The following CCNB2 variants were observed in gnomAD, a reference collection of about 807,000 sequenced individuals.
CCNB2 encodes the protein cyclin B2, also known as G2/mitotic-specific cyclin-B2.
In CCNB2, 39 loss-of-function variants were observed where a neutral mutation model predicts 51.1. The observed-to-expected ratio is 0.76, with a 90% CI of 0.59 to 1.00. The LOEUF is 1.00. Among genes scored for constraint, CCNB2 ranks in the 50% least tolerant of loss-of-function variants. The pLI is 0.00. For synonymous variants in CCNB2, 174 were observed against 165.5 expected (o/e 1.05, Z -0.40); for missense variants, 472 against 470.3 (o/e 1.00, Z -0.03).
intron 1 of CCNB2, 32 bp downstream of exon 1, chr15:59,105,324 G>C: frequency 1.9e-6 from 3 of 1,545,454 alleles, no homozygotes; most frequent in Non-Finnish European, 1.7e-6. Flanking sequence ...TCTCAGAGGC[G>C]AGTCCGTCGG....
chr15:59,122,798 A>T (rs750598629), intron 7 of CCNB2, among the ~76,000 whole-genome samples: 9 of 152,092 alleles, frequency 5.9e-5, no homozygotes, highest in Non-Finnish European at 8.8e-5. Context: ...GGCCTCCGAA[A>T]GTGCTGGGAT....
intron 7 of CCNB2, among the ~76,000 whole-genome samples, chr15:59,120,356 G>A (rs773067671): frequency 5.9e-5 from 9 of 152,100 alleles, no homozygotes; most frequent in Non-Finnish European, 1.3e-4. Context: ...AGCTGGTCAT[G>A]GTAGCATGTG....
chr15:59,117,178 G>A (rs763267453), intron 6 of CCNB2, 50 bp from the exon 7 acceptor site: 1 of 1,591,184 alleles, frequency 6.3e-7, no homozygotes, highest in Admixed American at 1.7e-5. Flanking sequence ...AATTTTGCAA[G>A]ACAGTAATTA....
intron 3 of CCNB2, among the ~76,000 whole-genome samples, chr15:59,113,618 A>C (rs1439927674): frequency 6.6e-6 from 1 of 152,246 alleles, no homozygotes; most frequent in African/African-American, 2.4e-5. Flanking sequence ...AAACAGAATA[A>C]TACACATATT....
Position 59,105,288 on chromosome 15 carries a change from C to G in CCNB2, c.20C>G (p.Pro7Arg). ...TCCCTCATGGCGCTGCTCCGACGCCCGACGGTGAGTGTGCCCGGGGACCGC... is the reference window on the plus strand; with the variant it reads ...TCCCTCATGGCGCTGCTCCGACGCCGGACGGTGAGTGTGCCCGGGGACCGC... MALLRR[P>R]TVSSDLENID... The change falls in exon 1 of 9, where the codon CCG (proline) becomes CGG (arginine). Residue 7 changes from proline to arginine, a missense_variant. Coordinates refer to ENST00000288207, the MANE Select transcript of CCNB2 (RefSeq NM_004701.4). 1 of 1,564,610 alleles carries G rather than the reference C, an allele frequency of 6.4e-7. No individual in the cohort carries two copies. The highest frequency in any genetic ancestry group is 8.6e-7 in the Non-Finnish European group (1 of 1,158,332).
At chr15:59,122,863 T>A (rs1297121845) in intron 7 of CCNB2, among the ~76,000 whole-genome samples, 1 of 152,220 alleles carries the variant, frequency 6.6e-6, no homozygotes, top group Non-Finnish European at 1.5e-5. Context: ...ACATGATACA[T>A]CTTATTATCA....
At chr15:59,110,300 T>C (rs2140286346) in intron 3 of CCNB2, among the ~76,000 whole-genome samples, 1 of 152,264 alleles carries the variant, frequency 6.6e-6, no homozygotes, top group South Asian at 2.1e-4. Flanking sequence ...AAAAATCAAT[T>C]CCAGGGTTGA....
At chr15:59,123,649 A>T (rs943856081) in intron 8 of CCNB2, 22 bp downstream of exon 8, 4 of 1,327,838 alleles carry the variant, frequency 3.0e-6, no homozygotes, top group Admixed American at 3.6e-5. Flanking sequence ...TGTTTTCTTA[A>T]GCTGTGGAAA....
intron 8 of CCNB2, 71 bp downstream of exon 8, chr15:59,123,698 G>C (rs1312530469): frequency 3.6e-5 from 27 of 749,992 alleles, no homozygotes; most frequent in African/African-American, 3.0e-4. Context: ...TTGGGCGGGG[G>C]GGGGCGGTGT....
At position 59,114,452 on chromosome 15, in the gene CCNB2, T is replaced by C. The variant is rs757227655; in HGVS notation, c.276T>C (p.Ser92=). 6.2e-7 allele frequency: 1 copy of C among 1,600,200 alleles called. No individual in the cohort carries two copies. The highest frequency in any genetic ancestry group is 1.1e-5 in the South Asian group (1 of 88,578). Residue 92 remains serine (S), a synonymous_variant, in exon 4 of 9, where the codon TCT becomes TCC. Coordinates refer to ENST00000288207, the MANE Select transcript of CCNB2 (RefSeq NM_004701.4). ...QMEKLAPKGP[S]PTPEDVSMKE... is the part of the protein sequence containing the mutation. ...TAAATTTGTTGGTGTAGGGTCCTTC[T>C]CCCACACCTGAGGATGTCTCCATGA...
chr15:59,120,262 T>A (rs534107257), intron 7 of CCNB2, among the ~76,000 whole-genome samples: 1 of 152,182 alleles, frequency 6.6e-6, no homozygotes, highest in South Asian at 2.1e-4. Context: ...GCAGGGGAAG[T>A]ACAAGGTGAG....
In CCNB2 at chr15:59,124,934, G is replaced by A. The variant is rs1304247591; in HGVS notation, c.*57G>A. 1.9e-6 allele frequency: 2 copies of A among 1,079,774 alleles called. No individual in the cohort carries two copies. Among genetic ancestry groups the A allele is most frequent in the Non-Finnish European group, 1.3e-6 (1 of 756,384 alleles). 66.9% of individuals were successfully genotyped at this position (1,079,774 alleles called of 1,614,324 possible). On this transcript the variant is annotated 3_prime_UTR_variant, in exon 9 of 9. Coordinates refer to ENST00000288207, the MANE Select transcript of CCNB2 (RefSeq NM_004701.4). ...TTGTGCCCTTTTTCTTATTGGTTTA[G>A]AACTCTTGATTTTGTACATAGTCCT...
chr15:59,105,387 A>T (rs367760992), intron 1 of CCNB2, 95 bp downstream of exon 1: 1 of 1,368,514 alleles, frequency 7.3e-7, no homozygotes, highest in Non-Finnish European at 1.0e-6. Flanking sequence ...CTCCGTCCCA[A>T]CCGGGGCTGC....
intron 7 of CCNB2, among the ~76,000 whole-genome samples, chr15:59,117,889 G>T (rs1362286812): frequency 3.3e-5 from 5 of 152,182 alleles, no homozygotes; most frequent in Non-Finnish European, 5.9e-5. Context: ...TTGAGCCCAG[G>T]CCCAGGAGTT....
chr15:59,124,506 A>T, intron 8 of CCNB2: 1 of 458,258 alleles, frequency 2.2e-6, no homozygotes, highest in East Asian at 4.6e-5. Flanking sequence ...GGTAGCCTAC[A>T]AGAGGAAGCC....
chr15:59,122,029 G>T (rs1272580387), intron 7 of CCNB2, among the ~76,000 whole-genome samples: 1 of 147,716 alleles, frequency 6.8e-6, no homozygotes, highest in African/African-American at 2.5e-5. Flanking sequence ...GAGGTGGGAG[G>T]ATCACTTGAG....
At chr15:59,109,263 T>C (rs1462054519) in intron 3 of CCNB2, among the ~76,000 whole-genome samples, 1 of 152,122 alleles carries the variant, frequency 6.6e-6, no homozygotes, top group Non-Finnish European at 1.5e-5. Flanking sequence ...TGACCTCAGG[T>C]GATCCACCTG....
chr15:59,121,500 G>T (rs1312188909), intron 7 of CCNB2: 1 of 152,138 alleles, frequency 6.6e-6, no homozygotes, highest in African/African-American at 2.4e-5. Context: ...AAGTATTTTA[G>T]GATTAAATTG....
At chr15:59,118,903 TG>T (rs1444499936) in intron 7 of CCNB2, among the ~76,000 whole-genome samples, 1 of 152,180 alleles carries the variant, frequency 6.6e-6, no homozygotes. Context: ...GGCAGCATGG[TG>T]GAGCTGTTCA....
Sources: allele counts gnomAD v4.1 joint callset (sites outside exome capture counted in the v4.1 genomes callset), GRCh38; gene constraint gnomAD v4.1.1; transcripts MANE v1.5; gene names NCBI Gene and HGNC (gene_info 2026-07-23, HGNC 2026-07-21).